The following CNTNAP2 variants were observed in gnomAD, a reference collection of about 807,000 sequenced individuals.
The protein encoded by CNTNAP2 is contactin associated protein 2, also known as contactin-associated protein-like 2.
In CNTNAP2, 98 loss-of-function variants were observed where a neutral mutation model predicts 155.2. That is an observed-to-expected ratio of 0.63 (90% CI 0.54 to 0.75). The LOEUF (loss-of-function observed/expected upper bound fraction) is 0.75. CNTNAP2 is among the 30% of genes least tolerant of loss of function. The pLI is 0.00. For synonymous variants in CNTNAP2, 651 were observed against 631.2 expected, an observed-to-expected ratio of 1.03 and a Z score of -0.47; for missense variants, 1,727 against 1,688.1, an observed-to-expected ratio of 1.02 and a Z score of -0.40.
chr7:146,688,615 G>T (rs949410750), intron 1 of CNTNAP2, among the ~76,000 whole-genome samples: 1 of 152,202 alleles, frequency 6.6e-6, no homozygotes, highest in Non-Finnish European at 1.5e-5. Flanking sequence ...GGTGGGACAC[G>T]AGCAAATCAC....
chr7:147,151,848 C>A (rs372625790), intron 8 of CNTNAP2, among the ~76,000 whole-genome samples: 3 of 152,100 alleles, frequency 2.0e-5, no homozygotes, highest in African/African-American at 7.2e-5. Flanking sequence ...AAACACAGCA[C>A]AGAGCTGGGA....
intron 9 of CNTNAP2, among the ~76,000 whole-genome samples, chr7:147,311,325 G>A (rs932790308): frequency 6.6e-6 from 1 of 152,138 alleles, no homozygotes; most frequent in East Asian, 1.9e-4. Context: ...GGTTAAAGAG[G>A]AGCTCTGACA....
intron 16 of CNTNAP2, 144 bp downstream of exon 16, chr7:148,118,432 C>A: frequency 1.1e-6 from 1 of 915,066 alleles, no homozygotes; most frequent in Non-Finnish European, 1.7e-6. Context: ...GACACACAAG[C>A]CTGAGTTTGG....
At chr7:148,119,015 C>T (rs1290784270) in intron 16 of CNTNAP2, among the ~76,000 whole-genome samples, 1 of 152,118 alleles carries the variant, frequency 6.6e-6, no homozygotes, top group East Asian at 1.9e-4. Flanking sequence ...CTACCTGGAC[C>T]CTTTAAACAT....
chr7:146,204,858 A>G (rs1180544816), intron 1 of CNTNAP2, among the ~76,000 whole-genome samples: 5 of 152,012 alleles, frequency 3.3e-5, no homozygotes, highest in African/African-American at 7.2e-5. Context: ...GGGACAGGCA[A>G]TGTAAGGAGT....
In CNTNAP2 at chr7:147,358,568, G is replaced by A. The variant is rs78856904; in HGVS notation, c.1499-37041G>A. On this transcript the variant is annotated intron_variant, in intron 9 of 23. Transcript: ENST00000361727. Reference sequence around the variant, plus strand: ...TAATTTTTATTCATGTGTGATTTATGGCATCCATTTTAACTAATGTAAAGG... The same window carrying A: ...TAATTTTTATTCATGTGTGATTTATAGCATCCATTTTAACTAATGTAAAGG... Among the ~76,000 whole-genome samples, 1,065 of 151,812 alleles carry A rather than the reference G, an allele frequency of 7.0e-3. 40 individuals carry two copies. In the East Asian group the frequency reaches 0.092, roughly 13 times the overall value.
At chr7:147,454,859 C>T (rs1797893806) in intron 10 of CNTNAP2, among the ~76,000 whole-genome samples, 1 of 152,000 alleles carries the variant, frequency 6.6e-6, no homozygotes, top group African/African-American at 2.4e-5. Flanking sequence ...ATCCCGACGA[C>T]CTTTAATAAC....
intron 1 of CNTNAP2, among the ~76,000 whole-genome samples, chr7:146,368,589 A>G (rs1795187370): frequency 6.6e-6 from 1 of 152,078 alleles, no homozygotes; most frequent in South Asian, 2.1e-4. Context: ...GTCAAAAATA[A>G]AATGTTAATT....
chr7:147,141,199 T>G (rs1255753195), intron 8 of CNTNAP2, among the ~76,000 whole-genome samples: 4 of 152,150 alleles, frequency 2.6e-5, no homozygotes, highest in African/African-American at 9.7e-5. Flanking sequence ...TTTTGCCTTT[T>G]ATCTTTTCCT....
intron 14 of CNTNAP2, among the ~76,000 whole-genome samples, chr7:147,910,678 G>T (rs1056636425): frequency 2.0e-5 from 3 of 152,178 alleles, no homozygotes; most frequent in Non-Finnish European, 4.4e-5. Flanking sequence ...TTACATGGCT[G>T]CAGGCAAGAG....
intron 1 of CNTNAP2, among the ~76,000 whole-genome samples, chr7:146,216,772 T>C (rs1799121261): frequency 1.3e-5 from 2 of 152,248 alleles, no homozygotes; most frequent in Admixed American, 1.3e-4. Context: ...TGTCATTCCA[T>C]AAAATAGCAG....
At chr7:146,341,409 T>C (rs1252255278) in intron 1 of CNTNAP2, among the ~76,000 whole-genome samples, 1 of 152,176 alleles carries the variant, frequency 6.6e-6, no homozygotes, top group East Asian at 1.9e-4. Context: ...GTACTTTCCA[T>C]TATACTGAAG....
chr7:148,081,369 T>TCCGTGGGCTGCAAAAGGCCGACCCA (rs1434950302), intron 15 of CNTNAP2, among the ~76,000 whole-genome samples: 12 of 152,028 alleles, frequency 7.9e-5, no homozygotes, highest in Admixed American at 6.6e-5. Flanking sequence ...AACATTTGAG[T>TCCGTGGGCTGCAAAAGGCCGACCCA]CCGTGGGCTG....
chr7:146,421,432 G>A (rs1369245148), intron 1 of CNTNAP2, among the ~76,000 whole-genome samples: 3 of 151,916 alleles, frequency 2.0e-5, no homozygotes, highest in Admixed American at 1.3e-4. Context: ...TAATATTAAT[G>A]TGTATATACA....
At chr7:147,500,241 T>A (rs1042083168) in intron 11 of CNTNAP2, among the ~76,000 whole-genome samples, 1 of 152,098 alleles carries the variant, frequency 6.6e-6, no homozygotes, top group African/African-American at 2.4e-5. Context: ...ATGAGAGAGA[T>A]TATAAATCAG....
chr7:146,890,136 G>C (rs1413763841), intron 3 of CNTNAP2, among the ~76,000 whole-genome samples: 2 of 152,114 alleles, frequency 1.3e-5, no homozygotes, highest in Admixed American at 6.6e-5. Context: ...TGCCACCTGT[G>C]TCCCAAGGTC....
chr7:148,007,015 G>A (rs1355806998), intron 15 of CNTNAP2, among the ~76,000 whole-genome samples: 3 of 152,074 alleles, frequency 2.0e-5, no homozygotes, highest in Non-Finnish European at 4.4e-5. Flanking sequence ...TAAATACAAG[G>A]GTCATTTCAG....
chr7:147,925,067 C>A (rs1345592487), intron 14 of CNTNAP2, among the ~76,000 whole-genome samples: 3 of 150,706 alleles, frequency 2.0e-5, no homozygotes, highest in African/African-American at 7.3e-5. Context: ...TGCAGTGAGC[C>A]AAGATCATGC....
At chr7:147,016,347 C>A (rs1388470549) in intron 3 of CNTNAP2, among the ~76,000 whole-genome samples, 8 of 151,886 alleles carry the variant, frequency 5.3e-5, no homozygotes, top group Non-Finnish European at 1.2e-4. Context: ...AAATCTCAAA[C>A]GGCAAAGAAT....
Sources: gnomAD v4.1 joint callset for allele counts (sites outside exome capture counted in the v4.1 genomes callset) on GRCh38, gnomAD v4.1.1 for gene constraint, MANE v1.5 for transcripts, NCBI Gene and HGNC (gene_info 2026-07-23, HGNC 2026-07-21) for gene names.